Variants in UBL3 observed in about 807,000 individuals in gnomAD.
UBL3 encodes ubiquitin like 3.
A neutral mutation model predicts 18.4 loss-of-function variants in UBL3; 6 were observed. The observed-to-expected ratio is 0.33, with a 90% CI of 0.18 to 0.64. The LOEUF is 0.64. UBL3 is among the 30% of genes least tolerant of loss of function. The probability of loss-of-function intolerance (pLI) is 0.76; values close to 1 mark genes in which losing one functional copy is unlikely to be tolerated. For missense variants in UBL3, 109 were observed against 142.9 expected, an observed-to-expected ratio of 0.76 and a Z score of 1.21; for synonymous variants, 49 against 46.6, an observed-to-expected ratio of 1.05 and a Z score of -0.21.
chr13:29,815,196 G>A (rs1291979067), intron 1 of UBL3, among the ~76,000 whole-genome samples: 2 of 152,106 alleles, frequency 1.3e-5, no homozygotes, highest in Non-Finnish European at 1.5e-5. Context: ...CAAAGAGTGA[G>A]CACCAATACA....
At chr13:29,768,392 C>T (rs1227551820) in intron 3 of UBL3, among the ~76,000 whole-genome samples, 1 of 151,948 alleles carries the variant, frequency 6.6e-6, no homozygotes, top group Non-Finnish European at 1.5e-5. Flanking sequence ...CCCTTTGTTA[C>T]TCTGTGTATA....
chr13:29,775,035 T>G (rs1223943200), intron 2 of UBL3, among the ~76,000 whole-genome samples: 1 of 152,216 alleles, frequency 6.6e-6, no homozygotes, highest in African/African-American at 2.4e-5. Flanking sequence ...TTTGTTATAC[T>G]GTATAAATAA....
Position 29,768,735 on chromosome 13 carries a change from C to A in UBL3, c.224-1040G>T, listed in dbSNP as rs1454610819. On this transcript the variant is annotated intron_variant, in intron 3 of 4. Transcript: ENST00000380680. ...TAACCTCTGATGTTCAAATGAAGCA[C>A]GATGGCCCATAAATACATAATGAAA... Among the ~76,000 whole-genome samples, 5 of 151,998 alleles carry A rather than the reference C, an allele frequency of 3.3e-5. 1 individual carries two copies. The highest frequency in any genetic ancestry group is 1.2e-4 in the African/African-American group (5 of 41,402).
At chr13:29,825,851 T>A (rs1259067094) in intron 1 of UBL3, among the ~76,000 whole-genome samples, 2 of 152,232 alleles carry the variant, frequency 1.3e-5, no homozygotes, top group Non-Finnish European at 2.9e-5. Flanking sequence ...ATAGCTCTTA[T>A]TATTTTGAGA....
At chr13:29,839,577 G>A (rs765854485) in intron 1 of UBL3, among the ~76,000 whole-genome samples, 2 of 152,094 alleles carry the variant, frequency 1.3e-5, no homozygotes, top group South Asian at 2.1e-4. Context: ...GCAGTTGAAC[G>A]CAGGAGTTCA....
In UBL3 at chr13:29,835,337, G is replaced by C. The variant is rs1252008439; in HGVS notation, c.27+14175C>G. Among the ~76,000 whole-genome samples the C allele has an allele frequency of 4.0e-5, 6 of 150,360 alleles. No homozygotes were observed. In the East Asian group the frequency reaches 1.2e-3, roughly 29 times the overall value. ...TTTAGATGTCAGGAAAAGCTTCTCTGAAGAAAGAAAAACTACCCATGCAGA... is the reference window on the plus strand; with the variant it reads ...TTTAGATGTCAGGAAAAGCTTCTCTCAAGAAAGAAAAACTACCCATGCAGA... On this transcript the variant is annotated intron_variant, in intron 1 of 4. Transcript: ENST00000380680.
Position 29,795,962 on chromosome 13 carries a change from TTTTAAG to T in UBL3, c.28-18705_28-18700del, listed in dbSNP as rs1488295860. ...TTTTTTTTTTAAATAAGGAGAAGAA[TTTTAAG>T]TTTTTCTTTTTAATGGCATTTTAAA... On this transcript the variant is annotated intron_variant, in intron 1 of 4. Transcript: ENST00000380680. Among the ~76,000 whole-genome samples, 4 of 151,740 alleles carry T rather than the reference TTTTAAG, an allele frequency of 2.6e-5. No homozygotes were observed. In the East Asian group the frequency reaches 7.7e-4, roughly 29 times the overall value.
At chr13:29,835,082 AAATAT>A (rs1878883814) in intron 1 of UBL3, among the ~76,000 whole-genome samples, 1 of 86,772 alleles carries the variant, frequency 1.2e-5, no homozygotes, top group Non-Finnish European at 2.0e-5. Context: ...TAAAATATAT[AAATAT>A]AAATATATAT....
At chr13:29,810,447 T>A (rs771350031) in intron 1 of UBL3, among the ~76,000 whole-genome samples, 1 of 151,952 alleles carries the variant, frequency 6.6e-6, no homozygotes, top group Non-Finnish European at 1.5e-5. Flanking sequence ...GAATAGCTAA[T>A]GAGACAGTAA....
At chr13:29,840,207 TAC>T (rs745610778) in intron 1 of UBL3, among the ~76,000 whole-genome samples, 2 of 151,388 alleles carry the variant, frequency 1.3e-5, no homozygotes, top group Non-Finnish European at 2.9e-5. Flanking sequence ...TATAAAAGGA[TAC>T]ACACACACAC....
intron 1 of UBL3, among the ~76,000 whole-genome samples, chr13:29,797,772 T>C (rs1412313250): frequency 6.6e-6 from 1 of 152,172 alleles, no homozygotes; most frequent in Admixed American, 6.5e-5. Context: ...CCCTGGTTTG[T>C]CCTTTTCCTA....
At chr13:29,804,439 G>A (rs1308248162) in intron 1 of UBL3, among the ~76,000 whole-genome samples, 1 of 151,938 alleles carries the variant, frequency 6.6e-6, no homozygotes, top group African/African-American at 2.4e-5. Context: ...AGCAAATTAA[G>A]CCCAAAACTA....
chr13:29,788,784 T>TA (rs969305684), intron 1 of UBL3, among the ~76,000 whole-genome samples: 1 of 151,842 alleles, frequency 6.6e-6, no homozygotes, highest in Non-Finnish European at 1.5e-5. Flanking sequence ...GGAAATGGGT[T>TA]AAAAAATTCA....
intron 2 of UBL3, among the ~76,000 whole-genome samples, chr13:29,773,224 T>C (rs1197914069): frequency 1.3e-5 from 2 of 152,168 alleles, no homozygotes; most frequent in East Asian, 1.9e-4. Context: ...AAATGATGAA[T>C]GTGAATTTGA....
rs574320638 is a variant in UBL3, at chr13:29,801,901, C to G, written c.28-24638G>C. 2.6e-5 allele frequency among the ~76,000 whole-genome samples: 4 copies of G among 152,328 alleles called. 1 individual carries two copies. The South Asian group carries it at 8.3e-4, about 32-fold the overall frequency. ...CCCCAAGAGGCAAGTGAAAGGCCCTCTGCCACAGCCACTGCCAAGGTCCCT... is the reference window on the plus strand; with the variant it reads ...CCCCAAGAGGCAAGTGAAAGGCCCTGTGCCACAGCCACTGCCAAGGTCCCT... On this transcript the variant is annotated intron_variant, in intron 1 of 4. Transcript: ENST00000380680.
At chr13:29,826,884 G>A (rs1878635250) in intron 1 of UBL3, among the ~76,000 whole-genome samples, 1 of 152,140 alleles carries the variant, frequency 6.6e-6, no homozygotes, top group Non-Finnish European at 1.5e-5. Context: ...GGTATGTTGT[G>A]TCTTTGTTCT....
chr13:29,827,320 T>C (rs1431198792), intron 1 of UBL3, among the ~76,000 whole-genome samples: 2 of 152,288 alleles, frequency 1.3e-5, no homozygotes, highest in East Asian at 1.9e-4. Flanking sequence ...GGGAGTCTAA[T>C]TCTCTTTGTA....
In UBL3 at chr13:29,781,593, G is replaced by A. The variant is rs1006884883; in HGVS notation, c.28-4330C>T. On this transcript the variant is annotated intron_variant, in intron 1 of 4. Transcript: ENST00000380680. Reference sequence around the variant, plus strand: ...ATAAATACCGCTCTGGTGGGGGAACGCTGATAATAGGGGAGGCCGTGCATG... The same window carrying A: ...ATAAATACCGCTCTGGTGGGGGAACACTGATAATAGGGGAGGCCGTGCATG... 2.0e-4 allele frequency among the ~76,000 whole-genome samples: 30 copies of A among 151,936 alleles called. 2 individuals are homozygous for A. The highest frequency in any genetic ancestry group is 1.5e-3 in the Admixed American group (23 of 15,252).
chr13:29,843,386 G>A (rs1388463818), intron 1 of UBL3, among the ~76,000 whole-genome samples: 2 of 151,990 alleles, frequency 1.3e-5, no homozygotes, highest in African/African-American at 4.8e-5. Context: ...CATATTAGGT[G>A]AGCATTATTA....
Sources: gnomAD v4.1 joint callset for allele counts (sites outside exome capture counted in the v4.1 genomes callset) on GRCh38, gnomAD v4.1.1 for gene constraint, MANE v1.5 for transcripts, NCBI Gene and HGNC (gene_info 2026-07-23, HGNC 2026-07-21) for gene names.